Variants in CELF2 observed in about 807,000 individuals in gnomAD.
CELF2 encodes CUGBP Elav-like family member 2.
In CELF2, 8 loss-of-function variants were observed where a neutral mutation model predicts 62.6. The observed-to-expected ratio is 0.13, with a 90% CI of 0.07 to 0.23. The LOEUF is 0.23. Ranked by LOEUF, CELF2 falls within the 10% of genes least tolerant of loss-of-function variation. The pLI, the probability that CELF2 is intolerant of heterozygous loss-of-function variation, is 1.00. For synonymous variants in CELF2, 258 were observed against 250.0 expected (o/e 1.03, Z -0.30); for missense variants, 333 against 671.0 (o/e 0.50, Z 5.56).
chr10:10,512,566 C>A, the CELF2 span, among the ~76,000 whole-genome samples: 1 of 151,316 alleles, frequency 6.6e-6, no homozygotes, highest in Non-Finnish European at 1.5e-5. Flanking sequence ...CATGCGCCAC[C>A]AGGCCCGGCT....
intron 1 of CELF2, among the ~76,000 whole-genome samples, chr10:10,911,965 T>A (rs948667972): frequency 7.2e-5 from 11 of 152,222 alleles, no homozygotes; most frequent in African/African-American, 2.2e-4. Flanking sequence ...GGTGAGTTTA[T>A]TTAAGGGTCT....
intron 2 of CELF2, among the ~76,000 whole-genome samples, chr10:11,186,607 G>C (rs1467640598): frequency 1.3e-5 from 2 of 151,990 alleles, no homozygotes. Context: ...GTGTCATTTA[G>C]TTTCTAAATA....
the CELF2 span, among the ~76,000 whole-genome samples, chr10:10,644,583 T>G: frequency 6.6e-6 from 1 of 152,340 alleles, no homozygotes; most frequent in Non-Finnish European, 1.5e-5. Flanking sequence ...TAGACTCATC[T>G]TCATCTGCTT....
Position 11,075,104 on chromosome 10 carries a change from TC to T in CELF2, c.74+56945del, listed in dbSNP as rs1250663266. On this transcript the variant is annotated intron_variant, in intron 1 of 12. Transcript: ENST00000633077. The surrounding 1 kb of genome is among the most constrained non-coding windows in gnomAD (Gnocchi z 5.4). ...ATGGGAAAATGCTGCTCTGTCCTAATCCCCTTGGCCCTGAAAGTGAATGGTC... is the reference window on the plus strand; with the variant it reads ...ATGGGAAAATGCTGCTCTGTCCTAATCCCTTGGCCCTGAAAGTGAATGGTC... 1 of 152,192 alleles carries T rather than the reference TC, an allele frequency of 6.6e-6. No homozygotes were observed. The highest frequency in any genetic ancestry group is 1.5e-5 in the Non-Finnish European group (1 of 68,054). 9.4% of individuals were successfully genotyped at this position (152,192 alleles called of 1,614,324 possible). A position where few individuals can be genotyped will look rare whatever the true frequency, so the allele number is the denominator to read the frequency against.
At chr10:10,926,310 G>T (rs939257582) in intron 2 of CELF2, among the ~76,000 whole-genome samples, 2 of 152,186 alleles carry the variant, frequency 1.3e-5, no homozygotes, top group East Asian at 3.9e-4. Flanking sequence ...GGCTTGTGGG[G>T]GCAGATTCAC....
chr10:11,136,841 A>T (rs2060515119), intron 1 of CELF2, among the ~76,000 whole-genome samples: 1 of 152,156 alleles, frequency 6.6e-6, no homozygotes, highest in Non-Finnish European at 1.5e-5. Flanking sequence ...TTAGGATGTT[A>T]CAATTTGCTG....
chr10:10,953,359 T>C (rs1279728208), intron 2 of CELF2, among the ~76,000 whole-genome samples: 2 of 152,216 alleles, frequency 1.3e-5, no homozygotes, highest in African/African-American at 4.8e-5. Context: ...TTTTGGTAAA[T>C]GAGTGACAAC....
At chr10:11,031,329 G>C (rs1344221036) in intron 1 of CELF2, among the ~76,000 whole-genome samples, 1 of 152,134 alleles carries the variant, frequency 6.6e-6, no homozygotes, top group Non-Finnish European at 1.5e-5. Context: ...GGACAGCTGT[G>C]GCCAGCTGAC....
At chr10:10,670,596 A>G in the CELF2 span, among the ~76,000 whole-genome samples, 3 of 152,170 alleles carry the variant, frequency 2.0e-5, no homozygotes, top group Non-Finnish European at 4.4e-5. Context: ...AGATTGACAC[A>G]TCATTATCAA....
chr10:11,001,846 T>G (rs555842699), upstream of CELF2, among the ~76,000 whole-genome samples: 9 of 152,266 alleles, frequency 5.9e-5, no homozygotes, highest in African/African-American at 2.2e-4. Flanking sequence ...TGTTAAAAAT[T>G]GGCTCCTACT....
At chr10:11,122,066 G>T (rs187519515) in intron 1 of CELF2, among the ~76,000 whole-genome samples, 153 of 152,314 alleles carry the variant, frequency 1.0e-3, no homozygotes, top group African/African-American at 3.6e-3. Context: ...TATAATTGAG[G>T]CATCTCTGGC....
At chr10:11,148,242 C>T (rs1205352902) in intron 1 of CELF2, among the ~76,000 whole-genome samples, 2 of 152,208 alleles carry the variant, frequency 1.3e-5, no homozygotes, top group African/African-American at 4.8e-5. Flanking sequence ...CAGCCGTACT[C>T]AATTGGTATT....
intron 1 of CELF2, among the ~76,000 whole-genome samples, chr10:11,130,192 T>C (rs573331698): frequency 5.9e-5 from 9 of 152,266 alleles, no homozygotes; most frequent in African/African-American, 2.2e-4. Context: ...TTTGAGTGAG[T>C]TTCTTAATCC....
At chr10:11,238,323 T>C (rs534001053) in intron 3 of CELF2, among the ~76,000 whole-genome samples, 10 of 152,368 alleles carry the variant, frequency 6.6e-5, no homozygotes, top group Non-Finnish European at 8.8e-5. Context: ...AGTACAGCCT[T>C]AGCAGCACTA....
intron 1 of CELF2, among the ~76,000 whole-genome samples, chr10:11,148,237 G>A (rs587013): frequency 0.26 from 39,988 of 152,102 alleles, 6,346 homozygotes; most frequent in East Asian, 0.76. Flanking sequence ...TATTTCAGCC[G>A]TACTCAATTG....
At chr10:11,235,794 G>T (rs1303955087) in intron 3 of CELF2, among the ~76,000 whole-genome samples, 1 of 148,596 alleles carries the variant, frequency 6.7e-6, no homozygotes, top group Non-Finnish European at 1.5e-5. Flanking sequence ...TTATTTTTAG[G>T]AGAGAAGTTT....
intron 5 of CELF2, among the ~76,000 whole-genome samples, chr10:11,262,557 T>C (rs1228818857): frequency 6.6e-6 from 1 of 152,224 alleles, no homozygotes; most frequent in African/African-American, 2.4e-5. Context: ...GATGAGATTT[T>C]GCCAGCTATT....
At chr10:10,612,694 G>A in the CELF2 span, among the ~76,000 whole-genome samples, 4 of 152,172 alleles carry the variant, frequency 2.6e-5, no homozygotes, top group Non-Finnish European at 4.4e-5. Context: ...TGCTAATCCT[G>A]TGATACCCTT....
chr10:10,722,421 T>C, the CELF2 span, among the ~76,000 whole-genome samples: 1 of 152,224 alleles, frequency 6.6e-6, no homozygotes, highest in African/African-American at 2.4e-5. Flanking sequence ...AAGAAATACC[T>C]GTAGACCCAT....
Sources: gnomAD v4.1 joint callset for allele counts (sites outside exome capture counted in the v4.1 genomes callset) on GRCh38, gnomAD v4.1.1 for gene constraint, Gnocchi (gnomAD v3.1) non-coding constraint, MANE v1.5 for transcripts, NCBI Gene and HGNC (gene_info 2026-07-23, HGNC 2026-07-21) for gene names.